Variants in MAP7 observed in about 807,000 individuals in gnomAD.
MAP7 encodes the protein microtubule associated protein 7.
MAP7 carries 52 observed loss-of-function variants against 94.8 expected under a neutral mutation model. That is an observed-to-expected ratio of 0.55 (90% CI 0.44 to 0.69). MAP7 has a LOEUF of 0.69. Among genes scored for constraint, MAP7 ranks in the 30% least tolerant of loss-of-function variants. The pLI, the probability that MAP7 is intolerant of heterozygous loss-of-function variation, is 0.00. For synonymous variants in MAP7, 350 were observed against 357.0 expected (o/e 0.98, Z 0.22); for missense variants, 940 against 964.6 (o/e 0.97, Z 0.34).
At chr6:136,361,260 T>C (rs1331464203) in intron 11 of MAP7, 81 bp from the exon 12 acceptor site, 2 of 1,480,220 alleles carry the variant, frequency 1.4e-6, no homozygotes, top group African/African-American at 2.8e-5. Flanking sequence ...GGTGGTTCTG[T>C]AGGGCGGTTC....
chr6:136,500,447 T>C (rs1819508310), intron 1 of MAP7, among the ~76,000 whole-genome samples: 1 of 152,216 alleles, frequency 6.6e-6, no homozygotes, highest in Non-Finnish European at 1.5e-5. Flanking sequence ...TCTGTACACT[T>C]ATGGAGGATC....
intron 15 of MAP7, among the ~76,000 whole-genome samples, chr6:136,357,272 G>A (rs1287895268): frequency 6.6e-6 from 1 of 152,128 alleles, no homozygotes; most frequent in Non-Finnish European, 1.5e-5. Context: ...AGGATTTCAC[G>A]AATGGAAAGC....
intron 1 of MAP7, among the ~76,000 whole-genome samples, chr6:136,471,664 G>A (rs756832660): frequency 8.6e-5 from 13 of 151,994 alleles, no homozygotes; most frequent in East Asian, 1.9e-4. Context: ...AACGTACCCC[G>A]CATATGACTG....
Position 136,366,348 on chromosome 6 carries a change from T to C in MAP7, c.968A>G (p.Gln323Arg). Reference sequence around the variant, plus strand: ...TTACCAAAGTCGGGAGCGAGCTGGTTGTCTTGCTTTGGGATTAGATGGAGA... The same window carrying C: ...TTACCAAAGTCGGGAGCGAGCTGGTCGTCTTGCTTTGGGATTAGATGGAGA... ...AVSPSNPKARQPARSRLWLPS... is the reference protein window; with the variant it reads ...AVSPSNPKARRPARSRLWLPS... The change falls in exon 9 of 18, where the codon CAA becomes CGA. Residue 323 changes from glutamine (Q) to arginine (R), a missense_variant. Physicochemically the swap from Gln to Arg is conservative, Grantham distance 43 (BLOSUM62 1). Transcript: ENST00000354570. 1 of 1,614,146 alleles carries C rather than the reference T, an allele frequency of 6.2e-7. No homozygotes were observed. The highest frequency in any genetic ancestry group is 1.1e-5 in the South Asian group (1 of 91,082).
chr6:136,549,836 C>A (rs568995872), intron 1 of MAP7, among the ~76,000 whole-genome samples: 1 of 152,314 alleles, frequency 6.6e-6, no homozygotes, highest in Non-Finnish European at 1.5e-5. Flanking sequence ...GGCCGCTCAC[C>A]CCGCGGTCCT....
intron 17 of MAP7, among the ~76,000 whole-genome samples, chr6:136,344,737 T>C (rs1333073040): frequency 1.3e-5 from 2 of 152,178 alleles, no homozygotes; most frequent in Non-Finnish European, 2.9e-5. Context: ...GGAGGGCCCT[T>C]ACAACCTCCC....
In MAP7 at chr6:136,414,455, T is replaced by C. The variant is rs934430376; in HGVS notation, c.167-2758A>G. On this transcript the variant is annotated intron_variant, in intron 2 of 17. Coordinates refer to ENST00000354570, the MANE Select transcript of MAP7 (RefSeq NM_003980.6). ...GGACATGACGACCCTCTCAGGCAAT[T>C]TATTAAGGGCTATCCACAGGAAGTT... 4.2e-4 allele frequency among the ~76,000 whole-genome samples: 64 copies of C among 151,808 alleles called. 1 individual carries two copies. Among genetic ancestry groups the C allele is most frequent in the Admixed American group, 6.6e-4 (10 of 15,218 alleles).
At chr6:136,416,811 A>C (rs1359404040) in intron 2 of MAP7, among the ~76,000 whole-genome samples, 1 of 151,858 alleles carries the variant, frequency 6.6e-6, no homozygotes, top group African/African-American at 2.4e-5. Flanking sequence ...GTCTCAAAAA[A>C]AAAAAAAAAT....
At chr6:136,367,571 G>A (rs1299551593) in intron 8 of MAP7, among the ~76,000 whole-genome samples, 1 of 152,108 alleles carries the variant, frequency 6.6e-6, no homozygotes, top group Non-Finnish European at 1.5e-5. Context: ...GTTATCAGAG[G>A]AGCAAAAACA....
chr6:136,441,540 G>A (rs79585297), intron 1 of MAP7, among the ~76,000 whole-genome samples: 239 of 152,194 alleles, frequency 1.6e-3, no homozygotes, highest in African/African-American at 5.5e-3. Flanking sequence ...CAGCATATAG[G>A]TAGCTATTCT....
At chr6:136,440,134 T>G (rs1007381189) in intron 1 of MAP7, among the ~76,000 whole-genome samples, 1 of 152,140 alleles carries the variant, frequency 6.6e-6, no homozygotes, top group African/African-American at 2.4e-5. Flanking sequence ...CACAGACAAG[T>G]ACAATGACAA....
At chr6:136,516,567 C>T (rs1160698989) in intron 1 of MAP7, among the ~76,000 whole-genome samples, 2 of 152,062 alleles carry the variant, frequency 1.3e-5, no homozygotes, top group African/African-American at 4.8e-5. Flanking sequence ...GAGCTCCAAG[C>T]GAGACAGTAT....
intron 1 of MAP7, among the ~76,000 whole-genome samples, chr6:136,521,972 C>A (rs1826517524): frequency 6.6e-6 from 1 of 152,198 alleles, no homozygotes; most frequent in South Asian, 2.1e-4. Context: ...TGAGCAGAAA[C>A]CATGTCAATT....
At chr6:136,528,628 A>C (rs1443985260) in intron 1 of MAP7, among the ~76,000 whole-genome samples, 1 of 152,264 alleles carries the variant, frequency 6.6e-6, no homozygotes, top group African/African-American at 2.4e-5. Context: ...AATCTGTATT[A>C]AGCAAATGAC....
chr6:136,406,861 G>A (rs73565430), intron 3 of MAP7, among the ~76,000 whole-genome samples: 3 of 151,874 alleles, frequency 2.0e-5, no homozygotes, highest in African/African-American at 7.3e-5. Flanking sequence ...ACAACAAAAG[G>A]GTAATAGGGC....
At chr6:136,454,310 T>TCTATCTAC (rs1180794624) in intron 1 of MAP7, among the ~76,000 whole-genome samples, 1 of 151,466 alleles carries the variant, frequency 6.6e-6, no homozygotes, top group Admixed American at 6.6e-5. Context: ...TATCTATCTA[T>TCTATCTAC]CTATCTATCT....
chr6:136,503,043 T>C (rs920216561), intron 1 of MAP7, among the ~76,000 whole-genome samples: 3 of 152,186 alleles, frequency 2.0e-5, no homozygotes, highest in Non-Finnish European at 2.9e-5. Flanking sequence ...TTATTCATGC[T>C]AATGCCTTGC....
intron 2 of MAP7, chr6:136,419,943 T>C: frequency 1.6e-6 from 1 of 637,070 alleles, no homozygotes; most frequent in East Asian, 3.1e-5. Context: ...CTTCCTCTGA[T>C]AGCTATAACT....
chr6:136,414,208 G>A (rs1159429912), intron 2 of MAP7, among the ~76,000 whole-genome samples: 2 of 116,954 alleles, frequency 1.7e-5, no homozygotes, highest in African/African-American at 3.2e-5. Flanking sequence ...AGCCGAGATC[G>A]CGCCACTGCA....
Sources: gnomAD v4.1 joint callset for allele counts (sites outside exome capture counted in the v4.1 genomes callset) on GRCh38, gnomAD v4.1.1 for gene constraint, MANE v1.5 for transcripts, NCBI Gene and HGNC (gene_info 2026-07-23, HGNC 2026-07-21) for gene names.